Variants in XDH observed in about 807,000 individuals in gnomAD.
The protein encoded by XDH is xanthine dehydrogenase, also known as xanthine dehydrogenase/oxidase.
Under a neutral mutation model 156.1 loss-of-function variants are expected in XDH, and 138 were observed. That is an observed-to-expected ratio of 0.88 (90% CI 0.77 to 1.02). The LOEUF (loss-of-function observed/expected upper bound fraction) is 1.02. Among genes scored for constraint, XDH ranks in the 50% least tolerant of loss-of-function variants. The pLI, the probability that XDH is intolerant of heterozygous loss-of-function variation, is 0.00. For missense variants in XDH, 1,849 were observed against 1,684.9 expected (o/e 1.10, Z -1.71); for synonymous variants, 669 against 625.7 (o/e 1.07, Z -1.03).
chr2:31,337,609 T>C, intron 35 of XDH, 32 bp downstream of exon 35: 1 of 1,613,252 alleles, frequency 6.2e-7, no homozygotes, highest in Non-Finnish European at 8.5e-7. Flanking sequence ...TGGCCTCCCC[T>C]GGACTGAGTG....
intron 23 of XDH, among the ~76,000 whole-genome samples, chr2:31,364,787 G>A (rs1458271153): frequency 1.3e-5 from 2 of 152,342 alleles, no homozygotes; most frequent in African/African-American, 4.8e-5. Context: ...AGAATTTGGG[G>A]CTAAGAGAAA....
chr2:31,339,919 G>A (rs951224300), intron 33 of XDH, among the ~76,000 whole-genome samples: 2 of 152,232 alleles, frequency 1.3e-5, no homozygotes, highest in Non-Finnish European at 2.9e-5. Flanking sequence ...AGGTGGGCAT[G>A]TTTCCCACTA....
At chr2:31,372,723 A>G (rs1686110741) in intron 16 of XDH, among the ~76,000 whole-genome samples, 1 of 152,226 alleles carries the variant, frequency 6.6e-6, no homozygotes, top group Admixed American at 6.5e-5. Flanking sequence ...TTTAATTAGA[A>G]GGATTGTTCA....
chr2:31,336,563 T>C (rs1407945218), intron 35 of XDH, among the ~76,000 whole-genome samples: 1 of 151,756 alleles, frequency 6.6e-6, no homozygotes, highest in Non-Finnish European at 1.5e-5. Context: ...GGGCTGTGGG[T>C]AGGTTGCTGC....
At chr2:31,350,264 G>A (rs918560047) in intron 24 of XDH, 41 bp from the exon 25 acceptor site, 1 of 1,593,094 alleles carries the variant, frequency 6.3e-7, no homozygotes, top group African/African-American at 1.3e-5. Flanking sequence ...ACAGTGTACT[G>A]ATTGCATTGG....
intron 31 of XDH, 126 bp downstream of exon 31, chr2:31,344,558 C>G: frequency 3.7e-6 from 4 of 1,090,050 alleles, no homozygotes; most frequent in South Asian, 1.3e-5. Flanking sequence ...TAGCGGAAGT[C>G]TGTTGAAGAG....
chr2:31,375,023 CTTTTTT>C (rs60340656), intron 15 of XDH, among the ~76,000 whole-genome samples: 11 of 92,338 alleles, frequency 1.2e-4, no homozygotes, highest in Admixed American at 7.6e-4. Context: ...TTCTTTCTTT[CTTTTTT>C]TTTTTTTTTT....
intron 6 of XDH, among the ~76,000 whole-genome samples, chr2:31,391,259 T>C (rs978636611): frequency 6.6e-5 from 10 of 152,210 alleles, no homozygotes; most frequent in African/African-American, 2.2e-4. Flanking sequence ...CTTTTCTTCT[T>C]TGTGAAACAT....
chr2:31,357,185 A>T (rs1484050298), intron 24 of XDH, among the ~76,000 whole-genome samples: 1 of 152,190 alleles, frequency 6.6e-6, no homozygotes, highest in Non-Finnish European at 1.5e-5. Flanking sequence ...CAACTCAAGA[A>T]CCTAGAAAAA....
At position 31,335,527 on chromosome 2, in the gene XDH, A is replaced by C. The variant is rs1684950109; in HGVS notation, c.*431T>G. ...TATGCTTTGCTGTTCATTGGTTTGA[A>C]GGCCAGGCTTTCACAGGAAGGCACA... On this transcript the variant is annotated 3_prime_UTR_variant, in exon 36 of 36. Coordinates refer to ENST00000379416, the MANE Select transcript of XDH (RefSeq NM_000379.4). 3.7e-6 allele frequency: 1 copy of C among 270,982 alleles called. No individual in the cohort carries two copies. The highest frequency in any genetic ancestry group is 7.2e-6 in the Non-Finnish European group (1 of 139,198). The allele number at this position is 270,982 out of a possible 1,614,324, so 16.8% of individuals were successfully genotyped here.
At position 31,346,789 on chromosome 2, in the gene XDH, T is replaced by TTCCCAG. The variant is rs1377242286; in HGVS notation, c.3330_3331insCTGGGA (p.Pro1110_Ser1111insLeuGly). On this transcript the variant is annotated inframe_insertion, in exon 30 of 36. Transcript: ENST00000379416. ...CTTACCCAGTCTTCCCAGGAGCCAC[T>TTCCCAG]GGGATTCTTCTTCTTGTAGGGTTCC... 6 of 1,614,052 alleles carry TTCCCAG rather than the reference T, an allele frequency of 3.7e-6. No homozygotes were observed. The highest frequency in any genetic ancestry group is 5.1e-6 in the Non-Finnish European group (6 of 1,180,038).
chr2:31,380,811 A>C (rs1686417221), intron 12 of XDH, among the ~76,000 whole-genome samples: 1 of 152,150 alleles, frequency 6.6e-6, no homozygotes, highest in South Asian at 2.1e-4. Flanking sequence ...GGACCCTCTG[A>C]CAAGGCAGAG....
At chr2:31,342,931 A>G (rs1227742991) in intron 31 of XDH, among the ~76,000 whole-genome samples, 1 of 152,228 alleles carries the variant, frequency 6.6e-6, no homozygotes, top group African/African-American at 2.4e-5. Flanking sequence ...TGCCTGAGTC[A>G]TATAAATATA....
At chr2:31,346,083 G>A (rs1685281784) in intron 30 of XDH, among the ~76,000 whole-genome samples, 1 of 152,190 alleles carries the variant, frequency 6.6e-6, no homozygotes, top group African/African-American at 2.4e-5. Context: ...CACATTTGAT[G>A]TGTTACTCTT....
chr2:31,389,798 A>T (rs1686713741), intron 6 of XDH, among the ~76,000 whole-genome samples: 2 of 152,094 alleles, frequency 1.3e-5, no homozygotes, highest in Non-Finnish European at 2.9e-5. Flanking sequence ...CCCTCCTGAG[A>T]TTCCTACTTT....
chr2:31,382,941 C>T, intron 11 of XDH, 60 bp downstream of exon 11: 1 of 1,611,642 alleles, frequency 6.2e-7, no homozygotes, highest in South Asian at 1.1e-5. Flanking sequence ...AGTCTGGCTG[C>T]CCTGCTTTCA....
chr2:31,376,945 T>C, intron 14 of XDH, 108 bp downstream of exon 14: 1 of 1,408,050 alleles, frequency 7.1e-7, no homozygotes. Context: ...ATGGTAGTAG[T>C]AGCAGCAATA....
At position 31,335,775 on chromosome 2, in the gene XDH, T is replaced by G; in HGVS notation, c.*183A>C. 1 of 687,144 alleles carries G rather than the reference T, an allele frequency of 1.5e-6. No homozygotes were observed. The highest frequency in any genetic ancestry group is 2.3e-5 in the Admixed American group (1 of 43,294). The allele number at this position is 687,144 out of a possible 1,614,324, so 42.6% of individuals were successfully genotyped here. ...ACAGTTTTGAATTTGCTTATCATTGTGTTTACAAATTACATTTTTGATCAA... is the reference window on the plus strand; with the variant it reads ...ACAGTTTTGAATTTGCTTATCATTGGGTTTACAAATTACATTTTTGATCAA... On this transcript the variant is annotated 3_prime_UTR_variant, in exon 36 of 36. Coordinates refer to ENST00000379416, the MANE Select transcript of XDH (RefSeq NM_000379.4).
At chr2:31,388,385 C>T in intron 6 of XDH, 90 bp from the exon 7 acceptor site, 4 of 1,408,632 alleles carry the variant, frequency 2.8e-6, no homozygotes, top group South Asian at 1.2e-5. Flanking sequence ...CCAGAACACT[C>T]CAGCTCTGAC....
Sources: gnomAD v4.1 joint callset for allele counts (sites outside exome capture counted in the v4.1 genomes callset) on GRCh38, gnomAD v4.1.1 for gene constraint, MANE v1.5 for transcripts, NCBI Gene and HGNC (gene_info 2026-07-23, HGNC 2026-07-21) for gene names.